Variants in PTGR1 observed in about 807,000 individuals in gnomAD.
The protein encoded by PTGR1 is 15-oxoprostaglandin 13-reductase.
In PTGR1, 23 loss-of-function variants were observed where a neutral mutation model predicts 37.7. The ratio of observed to expected loss-of-function variants is 0.61; its 90% CI spans 0.44 to 0.86. The LOEUF (loss-of-function observed/expected upper bound fraction) is 0.86, where lower values mean the gene tolerates loss of function less well. Among genes scored for constraint, PTGR1 ranks in the 40% least tolerant of loss-of-function variants. The pLI, the probability that PTGR1 is intolerant of heterozygous loss-of-function variation, is 0.00. For synonymous variants in PTGR1, 134 were observed against 140.0 expected, an observed-to-expected ratio of 0.96 and a Z score of 0.30; for missense variants, 351 against 394.3, an observed-to-expected ratio of 0.89 and a Z score of 0.93.
chr9:111,576,548 G>A, intron 7 of PTGR1: 2 of 1,195,132 alleles, frequency 1.7e-6, no homozygotes, highest in Non-Finnish European at 2.3e-6. Flanking sequence ...GGGGGTATTA[G>A]CTAGTGGAGT....
At chr9:111,555,731 A>G (rs990701171) in intron 9 of PTGR1, among the ~76,000 whole-genome samples, 1 of 152,168 alleles carries the variant, frequency 6.6e-6, no homozygotes, top group African/African-American at 2.4e-5. Context: ...ACTCACTATC[A>G]TGAGAACAAC....
chr9:111,593,003 AAAAAAAAAAAAAAAT>A, intron 3 of PTGR1, 21 bp from the exon 4 acceptor site: 1 of 1,539,140 alleles, frequency 6.5e-7, no homozygotes, highest in Non-Finnish European at 8.8e-7. Flanking sequence ...AAAAAAAAAA[AAAAAAAAAAAAAAAT>A]AGGTAAATAA....
At position 111,594,238 on chromosome 9, in the gene PTGR1, C is replaced by T. The variant is rs757717750; in HGVS notation, c.136G>A (p.Val46Met). 108 of 1,613,336 alleles carry T rather than the reference C, an allele frequency of 6.7e-5. No individual in the cohort carries two copies. The highest frequency in any genetic ancestry group is 8.6e-5 in the Non-Finnish European group (102 of 1,179,502). ...EVLLEALFLT[V>M]DPYMRVAAKR... ...AAATAATACCTCATGTAGGGATCCA[C>T]GGTGAGGAACAAAGCTTCAAGCAGG... The change falls in exon 3 of 10, where the codon GTG becomes ATG. Residue 46 changes from valine to methionine, a missense_variant. By Grantham distance (21) the Val-to-Met change is conservative (BLOSUM62 1). Transcript: ENST00000407693.
intron 9 of PTGR1, among the ~76,000 whole-genome samples, chr9:111,555,202 A>G (rs1257439644): frequency 1.3e-5 from 2 of 152,116 alleles, no homozygotes; most frequent in Admixed American, 6.6e-5. Context: ...TTAATAGCCT[A>G]TCAAGTTCTA....
At chr9:111,590,427 C>T (rs1214556190) in intron 4 of PTGR1, among the ~76,000 whole-genome samples, 1 of 152,062 alleles carries the variant, frequency 6.6e-6, no homozygotes, top group Admixed American at 6.5e-5. Context: ...GGTGTGATCT[C>T]AGCTCACTGC....
At chr9:111,598,245 C>G (rs1324956752) in intron 1 of PTGR1, among the ~76,000 whole-genome samples, 1 of 152,170 alleles carries the variant, frequency 6.6e-6, no homozygotes, top group Admixed American at 6.5e-5. Flanking sequence ...CTGCCCCGAG[C>G]TGGGGGTTCA....
Position 111,578,781 on chromosome 9 carries a change from C to T in PTGR1, c.651+15G>A. 1 of 1,587,724 alleles carries T rather than the reference C, an allele frequency of 6.3e-7. No individual in the cohort carries two copies. ...TTCCATAATAAATTAGATATTAAGT[C>T]CAGTTTGTACTTACATTATCAAAAT... On this transcript the variant is annotated intron_variant, in intron 7 of 9. Transcript: ENST00000407693.
chr9:111,559,696 G>C (rs1828220559), downstream of PTGR1, among the ~76,000 whole-genome samples: 1 of 152,044 alleles, frequency 6.6e-6, no homozygotes, highest in Admixed American at 6.6e-5. Context: ...CAGGCAGCCA[G>C]CCTCGGTGCA....
At position 111,589,033 on chromosome 9, in the gene PTGR1, T is replaced by TATTGCCAA. The variant is rs573983199; in HGVS notation, c.210-2876_210-2869dup. Among the ~76,000 whole-genome samples, 29 of 152,354 alleles carry TATTGCCAA rather than the reference T, an allele frequency of 1.9e-4. No homozygotes were observed. In the East Asian group the frequency reaches 5.6e-3, roughly 29 times the overall value. ...TAAAACATTTGTAACTCTTGCTGCATATTGCCAAATTCCCAAATTCCTTTC... is the reference window on the plus strand; with the variant it reads ...TAAAACATTTGTAACTCTTGCTGCATATTGCCAAATTGCCAAATTCCCAAATTCCTTTC... On this transcript the variant is annotated intron_variant, in intron 4 of 9. Transcript: ENST00000407693.
intron 7 of PTGR1, chr9:111,576,674 A>G (rs780939557): frequency 2.6e-6 from 1 of 390,590 alleles, no homozygotes; most frequent in Non-Finnish European, 4.6e-6. Flanking sequence ...AGATATGTGC[A>G]AACATGTACA....
chr9:111,592,861 A>G (rs1476872990), intron 4 of PTGR1, 65 bp downstream of exon 4: 21 of 1,578,144 alleles, frequency 1.3e-5, no homozygotes, highest in Non-Finnish European at 1.5e-5. Context: ...GGACAGAGAC[A>G]GGACCCAGCA....
intron 2 of PTGR1, among the ~76,000 whole-genome samples, chr9:111,597,091 A>G (rs1829803591): frequency 6.6e-6 from 1 of 152,186 alleles, no homozygotes; most frequent in Non-Finnish European, 1.5e-5. Context: ...AAAGCCTGCT[A>G]ATCAGCAGAC....
At chr9:111,560,607 C>T (rs900597780), downstream of PTGR1, among the ~76,000 whole-genome samples, 2 of 126,692 alleles carry the variant, frequency 1.6e-5, no homozygotes, top group African/African-American at 3.1e-5. Flanking sequence ...TGCTACTGCA[C>T]GTCAGCCTGG....
chr9:111,572,432 TA>T (rs1352067494), intron 8 of PTGR1, among the ~76,000 whole-genome samples: 1 of 151,710 alleles, frequency 6.6e-6, no homozygotes, highest in Non-Finnish European at 1.5e-5. Context: ...CTACTAAAAA[TA>T]AAAAAAATTA....
chr9:111,551,400 GTTTTTTTTT>G (rs58638722), intron 9 of PTGR1, among the ~76,000 whole-genome samples: 3 of 74,430 alleles, frequency 4.0e-5, no homozygotes, highest in African/African-American at 1.4e-4. Context: ...TCCAGTTTTT[GTTTTTTTTT>G]TTTTTTTTTT....
At chr9:111,555,447 C>T (rs1828093897) in intron 9 of PTGR1, among the ~76,000 whole-genome samples, 1 of 152,092 alleles carries the variant, frequency 6.6e-6, no homozygotes, top group South Asian at 2.1e-4. Context: ...TTCTACTGTG[C>T]TCTGTTAATA....
chr9:111,587,499 C>T lies in PTGR1; in HGVS notation c.210-1334G>A, dbSNP rs925257631. Reference sequence around the variant, plus strand: ...AACAGAGTCTCGCTCTGTTGCCTGGCTGGGTGCAATGGTGCCATCTCGGCA... The same window carrying T: ...AACAGAGTCTCGCTCTGTTGCCTGGTTGGGTGCAATGGTGCCATCTCGGCA... On this transcript the variant is annotated intron_variant, in intron 4 of 9. Transcript: ENST00000407693. Among the ~76,000 whole-genome samples, 39 of 152,098 alleles carry T rather than the reference C, an allele frequency of 2.6e-4. 3 individuals carry two copies. Among genetic ancestry groups the T allele is most frequent in the Non-Finnish European group, 1.3e-4 (9 of 68,006 alleles).
chr9:111,582,853 C>T (rs529448049), intron 6 of PTGR1, among the ~76,000 whole-genome samples: 1 of 152,340 alleles, frequency 6.6e-6, no homozygotes, highest in South Asian at 2.1e-4. Flanking sequence ...GCATCCCAGC[C>T]TTGGGCAAAG....
At position 111,583,578 on chromosome 9, in the gene PTGR1, T is replaced by C. The variant is rs557474998; in HGVS notation, c.389A>G (p.Tyr130Cys). The change falls in exon 6 of 10, where the codon TAC (tyrosine) becomes TGC (cysteine). Residue 130 changes from tyrosine (Y) to cysteine (C), a missense_variant. Transcript: ENST00000407693. ...ACCACAGATTTCAAGTAGGCCAAAG[T>C]AGGCAGTCAGGCTAAAGGAAGAAAA... ...GTVGMPGLTA[Y>C]FGLLEICGVK... 5.0e-6 allele frequency: 8 copies of C among 1,609,032 alleles called. No homozygotes were observed. Among genetic ancestry groups the C allele is most frequent in the Admixed American group, 3.3e-5 (2 of 60,008 alleles).
Sources: allele counts gnomAD v4.1 joint callset (sites outside exome capture counted in the v4.1 genomes callset), GRCh38; gene constraint gnomAD v4.1.1; transcripts MANE v1.5; gene names NCBI Gene and HGNC (gene_info 2026-07-23, HGNC 2026-07-21).